The following CALN1 variants were observed in gnomAD, a reference collection of about 807,000 sequenced individuals.
CALN1 encodes calcium-binding protein 8.
A neutral mutation model predicts 30.6 loss-of-function variants in CALN1; 17 were observed. The ratio of observed to expected loss-of-function variants is 0.56; its 90% CI spans 0.38 to 0.83. CALN1 has a LOEUF of 0.83. CALN1 is among the 40% of genes least tolerant of loss of function. The pLI is 0.00. For missense variants in CALN1, 291 were observed against 354.9 expected (o/e 0.82, Z 1.45); for synonymous variants, 156 against 131.4 (o/e 1.19, Z -1.28).
At chr7:72,411,730 T>A (rs1807163491) in intron 1 of CALN1, among the ~76,000 whole-genome samples, 1 of 152,070 alleles carries the variant, frequency 6.6e-6, no homozygotes. Flanking sequence ...AATCACCAAA[T>A]ATGGTACAAC....
At chr7:71,944,036 C>A (rs1387769131) in intron 5 of CALN1, among the ~76,000 whole-genome samples, 3 of 152,142 alleles carry the variant, frequency 2.0e-5, no homozygotes, top group Admixed American at 6.5e-5. Flanking sequence ...AAGAGTTAAG[C>A]CTAAAACAAA....
chr7:72,094,603 T>C (rs1234997080), intron 4 of CALN1, among the ~76,000 whole-genome samples: 1 of 152,182 alleles, frequency 6.6e-6, no homozygotes, highest in South Asian at 2.1e-4. Flanking sequence ...GGGACTCAAA[T>C]AGTCTAGTTA....
intron 3 of CALN1, among the ~76,000 whole-genome samples, chr7:72,156,963 T>A (rs1435014605): frequency 6.6e-6 from 1 of 152,180 alleles, no homozygotes; most frequent in African/African-American, 2.4e-5. Context: ...TACCAAGACA[T>A]AACCTCTGCC....
intron 2 of CALN1, among the ~76,000 whole-genome samples, chr7:72,284,678 G>A (rs1404272611): frequency 6.6e-6 from 1 of 152,170 alleles, no homozygotes; most frequent in Non-Finnish European, 1.5e-5. Context: ...TGATTCTCAG[G>A]TCTTCAAACC....
rs932936029 is a variant in CALN1, at chr7:72,032,704, C to T, written c.389-8935G>A. Among the ~76,000 whole-genome samples the T allele has an allele frequency of 3.9e-5, 6 of 152,302 alleles. No individual in the cohort carries two copies. In the East Asian group the frequency reaches 5.8e-4, roughly 15 times the overall value. ...TTAATGCAAATGGCAATTGTCAAAA[C>T]AGATGCTCCTTAAATCGCCTCTTTG... On this transcript the variant is annotated intron_variant, in intron 4 of 6. Coordinates refer to ENST00000395275, the MANE Select transcript of CALN1 (RefSeq NM_031468.4).
upstream of CALN1, among the ~76,000 whole-genome samples, chr7:72,451,265 G>A (rs185668403): frequency 3.2e-4 from 46 of 144,412 alleles, 1 homozygote; most frequent in African/African-American, 1.2e-3. Context: ...AGGAGGAGGA[G>A]GAGAAGGAGG....
At chr7:72,491,752 T>C in the CALN1 span, among the ~76,000 whole-genome samples, 62 of 152,106 alleles carry the variant, frequency 4.1e-4, no homozygotes, top group Middle Eastern at 3.4e-3. Context: ...TGAAAACTCA[T>C]AGAGTAGAGA....
chr7:72,023,602 A>G, intron 5 of CALN1, 55 bp downstream of exon 5: 1 of 1,288,092 alleles, frequency 7.8e-7, no homozygotes, highest in Non-Finnish European at 1.1e-6. Context: ...GTCAAAAGTT[A>G]GTCTCAGACA....
intron 5 of CALN1, among the ~76,000 whole-genome samples, chr7:71,959,686 C>T (rs549089842): frequency 2.4e-4 from 36 of 151,212 alleles, no homozygotes; most frequent in Non-Finnish European, 3.4e-4. Context: ...AGGTGAGACA[C>T]GATGGTCACC....
intron 2 of CALN1, among the ~76,000 whole-genome samples, chr7:72,366,329 C>T (rs1803876293): frequency 1.3e-5 from 2 of 152,014 alleles, no homozygotes; most frequent in Non-Finnish European, 2.9e-5. Flanking sequence ...GCACACACCA[C>T]CATGCCCAGC....
intron 5 of CALN1, among the ~76,000 whole-genome samples, chr7:71,922,232 T>C (rs1794983270): frequency 6.6e-6 from 1 of 152,162 alleles, no homozygotes. Flanking sequence ...TTTGGCACGC[T>C]ATGAAGGATT....
At chr7:71,915,945 C>T (rs1273415291) in intron 5 of CALN1, among the ~76,000 whole-genome samples, 16 of 152,162 alleles carry the variant, frequency 1.1e-4, no homozygotes, top group Admixed American at 9.2e-4. Context: ...TAAAATGTCA[C>T]AACCCAAGCC....
At chr7:72,251,502 C>T (rs1795554350) in intron 3 of CALN1, among the ~76,000 whole-genome samples, 1 of 152,032 alleles carries the variant, frequency 6.6e-6, no homozygotes, top group Admixed American at 6.6e-5. Context: ...TGGGCTTAAG[C>T]AGTCCTCCCA....
chr7:72,323,575 A>C (rs1432632029), intron 2 of CALN1, among the ~76,000 whole-genome samples: 1 of 151,962 alleles, frequency 6.6e-6, no homozygotes, highest in Non-Finnish European at 1.5e-5. Context: ...AGGCAGGGGA[A>C]TAGCTTGAAC....
intron 5 of CALN1, among the ~76,000 whole-genome samples, chr7:71,973,491 G>A (rs778436168): frequency 6.6e-6 from 1 of 152,028 alleles, no homozygotes; most frequent in Non-Finnish European, 1.5e-5. Flanking sequence ...TCTGGTTTGA[G>A]TATTCCTTGC....
intron 3 of CALN1, among the ~76,000 whole-genome samples, chr7:72,233,425 A>G (rs1585226928): frequency 6.6e-6 from 1 of 152,226 alleles, no homozygotes. Context: ...CTTTCAAGAG[A>G]GAGAAAAAGG....
intron 2 of CALN1, among the ~76,000 whole-genome samples, chr7:72,374,948 T>C (rs1176603994): frequency 6.6e-6 from 1 of 152,182 alleles, no homozygotes; most frequent in African/African-American, 2.4e-5. Context: ...TTTTTACATA[T>C]AAATATGGAT....
intron 5 of CALN1, among the ~76,000 whole-genome samples, chr7:71,925,757 C>T (rs759343040): frequency 5.3e-5 from 8 of 151,974 alleles, no homozygotes; most frequent in Non-Finnish European, 1.2e-4. Flanking sequence ...CCTTTAAAGT[C>T]AGCAGGATGT....
intron 5 of CALN1, among the ~76,000 whole-genome samples, chr7:71,834,293 G>C (rs1278081696): frequency 7.6e-6 from 1 of 131,032 alleles, no homozygotes; most frequent in African/African-American, 3.0e-5. Flanking sequence ...AGAGTAAAAA[G>C]GAAGTGGCCA....
Sources: allele counts gnomAD v4.1 joint callset (sites outside exome capture counted in the v4.1 genomes callset), GRCh38; gene constraint gnomAD v4.1.1; transcripts MANE v1.5; gene names NCBI Gene and HGNC (gene_info 2026-07-23, HGNC 2026-07-21).